The following BAG4 variants were observed in gnomAD, a reference collection of about 807,000 sequenced individuals.
BAG4 encodes the protein BAG family molecular chaperone regulator 4.
A neutral mutation model predicts 52.1 loss-of-function variants in BAG4; 28 were observed. The observed-to-expected ratio is 0.54, with a 90% CI of 0.40 to 0.74. The LOEUF (loss-of-function observed/expected upper bound fraction) is 0.74, where lower values mean the gene tolerates loss of function less well. Ranked by LOEUF, BAG4 falls within the 30% of genes least tolerant of loss-of-function variation. The pLI is 0.00. For synonymous variants in BAG4, 208 were observed against 217.0 expected, an observed-to-expected ratio of 0.96 and a Z score of 0.37; for missense variants, 525 against 572.0, an observed-to-expected ratio of 0.92 and a Z score of 0.84.
At position 38,192,720 on chromosome 8, in the gene BAG4, C is replaced by T; in HGVS notation, c.303C>T (p.Asn101=). The part of the protein sequence containing the change: ...EQPPYPSYNS[N]YWNSTARSRA... The stretch of plus-strand genomic sequence containing the variant: ...CACCATATCCTAGCTACAATTCTAA[C>T]TATTGGAATTCTACTGCGAGATCTA... The change falls in exon 2 of 5, where the codon AAC becomes AAT. Residue 101 remains asparagine (N), a synonymous_variant. Transcript: ENST00000287322. 1.2e-6 allele frequency: 2 copies of T among 1,612,594 alleles called. No individual in the cohort carries two copies. The highest frequency in any genetic ancestry group is 8.5e-7 in the Non-Finnish European group (1 of 1,179,518).
rs1377225105 is a variant in BAG4, at chr8:38,212,165, T to C, written c.*1672T>C. 2.6e-5 allele frequency: 4 copies of C among 152,180 alleles called. No individual in the cohort carries two copies. Among genetic ancestry groups the C allele is most frequent in the African/African-American group, 9.7e-5 (4 of 41,436 alleles). 9.4% of individuals were successfully genotyped at this position (152,180 alleles called of 1,614,324 possible). A position where few individuals can be genotyped will look rare whatever the true frequency, so the allele number is the denominator to read the frequency against. Reference sequence around the variant, plus strand: ...GGAATGTTTAAAAAAGGCTTTTCTATGAAAATTAGAAATTTATACTTGAAA... The same window carrying C: ...GGAATGTTTAAAAAAGGCTTTTCTACGAAAATTAGAAATTTATACTTGAAA... On this transcript the variant is annotated 3_prime_UTR_variant, in exon 5 of 5. Transcript: ENST00000287322.
At chr8:38,188,036 C>CAAA (rs1157770485) in intron 1 of BAG4, among the ~76,000 whole-genome samples, 28 of 36,908 alleles carry the variant, frequency 7.6e-4, no homozygotes, top group Non-Finnish European at 1.2e-3. Flanking sequence ...GACTCCGTCT[C>CAAA]AAAAAAAAAA....
intron 1 of BAG4, among the ~76,000 whole-genome samples, chr8:38,179,613 AAAAT>A (rs1408691735): frequency 1.3e-5 from 2 of 151,870 alleles, no homozygotes; most frequent in East Asian, 3.9e-4. Context: ...TAAAAATACA[AAAAT>A]TAGCTGGGCA....
intron 1 of BAG4, among the ~76,000 whole-genome samples, chr8:38,181,388 C>T (rs1803268547): frequency 6.6e-6 from 1 of 152,086 alleles, no homozygotes; most frequent in Non-Finnish European, 1.5e-5. Context: ...CACCCGCCAC[C>T]ATGCCCGACT....
At chr8:38,190,149 T>G (rs148232794) in intron 1 of BAG4, among the ~76,000 whole-genome samples, 1 of 152,150 alleles carries the variant, frequency 6.6e-6, no homozygotes, top group African/African-American at 2.4e-5. Flanking sequence ...CCCCAGTTCT[T>G]CCTCATTTTG....
intron 2 of BAG4, among the ~76,000 whole-genome samples, chr8:38,198,028 GC>G (rs1210236559): frequency 6.6e-6 from 1 of 151,976 alleles, no homozygotes; most frequent in Admixed American, 6.6e-5. Context: ...ATTTTAAAAA[GC>G]TTTGACTCTT....
chr8:38,182,875 T>C (rs1389726921), intron 1 of BAG4, among the ~76,000 whole-genome samples: 2 of 152,090 alleles, frequency 1.3e-5, no homozygotes, highest in Admixed American at 6.6e-5. Flanking sequence ...TAGTGCTTCA[T>C]TGAGGACATT....
At chr8:38,185,925 T>A (rs968304748) in intron 1 of BAG4, among the ~76,000 whole-genome samples, 18 of 152,292 alleles carry the variant, frequency 1.2e-4, no homozygotes, top group Admixed American at 2.6e-4. Flanking sequence ...TCTGTGGTAT[T>A]TGAACTAAAA....
rs181698462 is a variant in BAG4 at position 38,188,938 on chromosome 8, T to C, written c.271-3750T>C. The stretch of plus-strand genomic sequence containing the variant: ...CCTCCCAAGTAGCTAGGACTACGGG[T>C]GTGTGCCACCATGCCCGGCTAATTT... On this transcript the variant is annotated intron_variant, in intron 1 of 4. Transcript: ENST00000287322. Among the ~76,000 whole-genome samples, 243 of 150,288 alleles carry C rather than the reference T, an allele frequency of 1.6e-3. 2 individuals carry two copies. Among genetic ancestry groups the C allele is most frequent in the African/African-American group, 5.6e-3 (227 of 40,872 alleles).
chr8:38,191,760 C>CA (rs35851034), intron 1 of BAG4, among the ~76,000 whole-genome samples: 7,474 of 69,508 alleles, frequency 0.11, 328 homozygotes, highest in East Asian at 0.29. Flanking sequence ...AACTCTGTCT[C>CA]AAAAAAAAAA....
At chr8:38,191,598 A>G (rs1803474732) in intron 1 of BAG4, among the ~76,000 whole-genome samples, 1 of 152,078 alleles carries the variant, frequency 6.6e-6, no homozygotes, top group Non-Finnish European at 1.5e-5. Context: ...GTCTCTACTA[A>G]AAGTACAAAA....
chr8:38,212,725 G>C lies in BAG4; in HGVS notation c.*2232G>C, dbSNP rs967592272. Reference sequence around the variant, plus strand: ...TGATCACTATGCTAAGGTGGTGTCTGCTAGGATTCGCTACTGTAAACTTAC... The same window carrying C: ...TGATCACTATGCTAAGGTGGTGTCTCCTAGGATTCGCTACTGTAAACTTAC... On this transcript the variant is annotated 3_prime_UTR_variant, in exon 5 of 5. Transcript: ENST00000287322. 2.6e-5 allele frequency: 4 copies of C among 152,198 alleles called. No homozygotes were observed. The highest frequency in any genetic ancestry group is 9.7e-5 in the African/African-American group (4 of 41,442). The allele number at this position is 152,198 out of a possible 1,614,324, so 9.4% of individuals were successfully genotyped here.
chr8:38,201,090 GTATT>G (rs1178160904), intron 2 of BAG4, among the ~76,000 whole-genome samples: 1 of 152,144 alleles, frequency 6.6e-6, no homozygotes, highest in Non-Finnish European at 1.5e-5. Flanking sequence ...TTAGGTAAAA[GTATT>G]TATTACATTC....
At chr8:38,193,884 A>G (rs932335825) in intron 2 of BAG4, among the ~76,000 whole-genome samples, 1 of 152,076 alleles carries the variant, frequency 6.6e-6, no homozygotes. Flanking sequence ...GACTACAGGC[A>G]TGTGCCACCA....
At chr8:38,198,781 G>A (rs1308830894) in intron 2 of BAG4, among the ~76,000 whole-genome samples, 7 of 152,034 alleles carry the variant, frequency 4.6e-5, no homozygotes, top group East Asian at 3.9e-4. Flanking sequence ...GCCACCATGC[G>A]TGGCTGTTTT....
chr8:38,208,126 G>A (rs1585667741), intron 3 of BAG4, among the ~76,000 whole-genome samples: 1 of 150,754 alleles, frequency 6.6e-6, no homozygotes, highest in South Asian at 2.1e-4. Flanking sequence ...ACAAGCACGC[G>A]CCATCACGCC....
intron 2 of BAG4, among the ~76,000 whole-genome samples, chr8:38,198,444 A>T (rs1286281325): frequency 7.2e-6 from 1 of 138,902 alleles, no homozygotes; most frequent in South Asian, 2.3e-4. Context: ...TCCTTATTCT[A>T]TTAAGCTTTT....
chr8:38,194,656 C>T (rs377721963), intron 2 of BAG4, among the ~76,000 whole-genome samples: 11 of 150,930 alleles, frequency 7.3e-5, no homozygotes, highest in Admixed American at 3.3e-4. Context: ...CCTCGTGGTC[C>T]GCCCACCTTG....
At chr8:38,179,253 G>A (rs1258434239) in intron 1 of BAG4, among the ~76,000 whole-genome samples, 1 of 151,908 alleles carries the variant, frequency 6.6e-6, no homozygotes, top group Non-Finnish European at 1.5e-5. Context: ...TCTGCCTCCC[G>A]GGGTCAAAGT....
Sources: allele counts gnomAD v4.1 joint callset (sites outside exome capture counted in the v4.1 genomes callset), GRCh38; gene constraint gnomAD v4.1.1; transcripts MANE v1.5; gene names NCBI Gene and HGNC (gene_info 2026-07-23, HGNC 2026-07-21).